Variants in REV1 observed in about 807,000 individuals in gnomAD.
REV1 encodes REV1 DNA directed polymerase, also known as translesion synthesis protein REV1.
REV1 carries 42 observed loss-of-function variants against 137.4 expected under a neutral mutation model. That is an observed-to-expected ratio of 0.31 (90% CI 0.24 to 0.40). The LOEUF (loss-of-function observed/expected upper bound fraction) is 0.40, where lower values mean the gene tolerates loss of function less well. Among genes scored for constraint, REV1 ranks in the 10% least tolerant of loss-of-function variants. The pLI is 1.00. For synonymous variants in REV1, 524 were observed against 519.2 expected, an observed-to-expected ratio of 1.01 and a Z score of -0.12; for missense variants, 1,282 against 1,490.1, an observed-to-expected ratio of 0.86 and a Z score of 2.30.
At position 99,414,671 on chromosome 2, in the gene REV1, A is replaced by G. The variant is rs571622239; in HGVS notation, c.1952-1720T>C. 8.0e-4 allele frequency among the ~76,000 whole-genome samples: 122 copies of G among 152,290 alleles called. 1 individual carries two copies. Among genetic ancestry groups the G allele is most frequent in the Middle Eastern group, 6.8e-3 (2 of 294 alleles). ...CTCTTTTTGTTATTTCTTTTTTGTC[A>G]TAAGACTTCTTAACATCAGGGAAGA... On this transcript the variant is annotated intron_variant, in intron 12 of 22. Coordinates refer to ENST00000258428, the MANE Select transcript of REV1 (RefSeq NM_016316.4).
intron 4 of REV1, among the ~76,000 whole-genome samples, chr2:99,443,828 C>T (rs1664602586): frequency 6.6e-6 from 1 of 151,492 alleles, no homozygotes; most frequent in Non-Finnish European, 1.5e-5. Context: ...CTTTATTCTT[C>T]CTCAAACCAA....
At chr2:99,449,788 T>C (rs1682703534) in intron 3 of REV1, among the ~76,000 whole-genome samples, 1 of 152,190 alleles carries the variant, frequency 6.6e-6, no homozygotes. Flanking sequence ...CAAATACTAA[T>C]AACAGTACAA....
At chr2:99,455,921 G>T (rs1443728128) in intron 3 of REV1, among the ~76,000 whole-genome samples, 1 of 152,070 alleles carries the variant, frequency 6.6e-6, no homozygotes, top group Non-Finnish European at 1.5e-5. Context: ...AACTTCAGCA[G>T]TGCCAAAATC....
At chr2:99,437,702 T>C (rs1680937075) in intron 6 of REV1, among the ~76,000 whole-genome samples, 1 of 152,144 alleles carries the variant, frequency 6.6e-6, no homozygotes. Context: ...TAATCATAGT[T>C]CTTAGAAGCA....
At chr2:99,409,101 C>T (rs1676739001) in intron 14 of REV1, among the ~76,000 whole-genome samples, 1 of 152,164 alleles carries the variant, frequency 6.6e-6, no homozygotes, top group South Asian at 2.1e-4. Flanking sequence ...AGAGCGAGAT[C>T]CTGTCTCTAC....
chr2:99,449,462 C>A lies in REV1; in HGVS notation c.224G>T (p.Gly75Val). The A allele has an allele frequency of 1.3e-6, 2 of 1,523,866 alleles. No homozygotes were observed. Among genetic ancestry groups the A allele is most frequent in the South Asian group, 1.4e-5 (1 of 71,676 alleles). 94.4% of individuals were successfully genotyped at this position (1,523,866 alleles called of 1,614,324 possible). The change falls in exon 4 of 23, where the codon GGA becomes GTA. Residue 75 changes from glycine (G) to valine (V), a missense_variant. Around this residue, in one of 7 missense-constraint regions of REV1, gnomAD observed 107 missense variants for 164.3 expected, o/e 0.65. Coordinates refer to ENST00000258428, the MANE Select transcript of REV1 (RefSeq NM_016316.4). ...GGAATAATATACATGGTATTGACCT[C>A]CATGCAACATCATTAGTTTTCTCAA... ...EELRKLMMLH[G>V]GQYHVYYSRS...
chr2:99,488,642 G>A (rs1687345816), intron 1 of REV1, among the ~76,000 whole-genome samples: 1 of 152,244 alleles, frequency 6.6e-6, no homozygotes, highest in Admixed American at 6.5e-5. Flanking sequence ...ACAATACGCA[G>A]CACTGGTCCC....
intron 4 of REV1, among the ~76,000 whole-genome samples, chr2:99,445,184 C>A (rs1682043457): frequency 6.7e-6 from 1 of 150,344 alleles, no homozygotes; most frequent in South Asian, 2.1e-4. Flanking sequence ...GATAAAATTG[C>A]AATCAACTTT....
At chr2:99,423,146 T>C (rs1045812518) in intron 10 of REV1, among the ~76,000 whole-genome samples, 15 of 152,148 alleles carry the variant, frequency 9.9e-5, no homozygotes, top group African/African-American at 3.6e-4. Flanking sequence ...TCCTTCACAT[T>C]TTCTCTCTCT....
At position 99,442,380 on chromosome 2, in the gene REV1, A is replaced by G; in HGVS notation, c.440T>C (p.Val147Ala). 3 of 1,613,688 alleles carry G rather than the reference A, an allele frequency of 1.9e-6. No homozygotes were observed. Among genetic ancestry groups the G allele is most frequent in the Non-Finnish European group, 2.5e-6 (3 of 1,179,848 alleles). ...TGGCAGAGGATCCTCAGGTCTGCAT[A>G]CAGGATTAAAGCTGAGACCTTTCTG... Reference protein sequence around the residue: ...SVQKGLSFNPVCRPEDPLPGP... With the variant: ...SVQKGLSFNPACRPEDPLPGP... Residue 147 changes from valine to alanine, a missense_variant, in exon 5 of 23, where the codon GTA becomes GCA. By Grantham distance (64) the Val-to-Ala change is moderately conservative. This residue lies in a region of REV1 where 432 missense variants were observed against 438.0 expected (regional missense o/e 0.99). Transcript: ENST00000258428.
Position 99,449,498 on chromosome 2 carries a change from G to C in REV1, c.188C>G (p.Ser63Cys), listed in dbSNP as rs1420025386. 1.9e-5 allele frequency: 27 copies of C among 1,443,318 alleles called. No homozygotes were observed. Among genetic ancestry groups the C allele is most frequent in the African/African-American group, 3.0e-5 (2 of 67,758 alleles). 89.4% of individuals were successfully genotyped at this position (1,443,318 alleles called of 1,614,324 possible). ...CATTAGTTTTCTCAATTCCTCAGCG[G>C]AAGGATCTGCAAAATTTATATTAAA... ...AIYVNGYTDPSAEELRKLMML... is the reference protein window; with the variant it reads ...AIYVNGYTDPCAEELRKLMML... Residue 63 changes from serine to cysteine, a missense_variant, in exon 4 of 23, where the codon TCC becomes TGC. Physicochemically the swap from Ser to Cys is moderately radical, Grantham distance 112. Around this residue, in one of 7 missense-constraint regions of REV1, gnomAD observed 107 missense variants for 164.3 expected, o/e 0.65. Coordinates refer to ENST00000258428, the MANE Select transcript of REV1 (RefSeq NM_016316.4).
chr2:99,481,048 C>T (rs945229104), intron 1 of REV1, among the ~76,000 whole-genome samples: 1 of 152,172 alleles, frequency 6.6e-6, no homozygotes, highest in Non-Finnish European at 1.5e-5. Flanking sequence ...ACCTCCAACA[C>T]AGTAAACTTG....
chr2:99,412,922 C>T lies in REV1; in HGVS notation c.1981G>A (p.Ala661Thr). 1 of 1,613,826 alleles carries T rather than the reference C, an allele frequency of 6.2e-7. No individual in the cohort carries two copies. The highest frequency in any genetic ancestry group is 8.5e-7 in the Non-Finnish European group (1 of 1,179,784). Residue 661 changes from alanine to threonine, a missense_variant, in exon 13 of 23, where the codon GCA becomes ACA. By Grantham distance (58) the Ala-to-Thr change is moderately conservative. This residue lies in a region of REV1 where 372 missense variants were observed against 482.3 expected (regional missense o/e 0.77). Coordinates refer to ENST00000258428, the MANE Select transcript of REV1 (RefSeq NM_016316.4). ...CCACAAGTTTTAATTCCCAAAGATG[C>T]CAACTTAGATTCCATTGAATGTCCA... ...GVGHSMESKL[A>T]SLGIKTCGDL...
chr2:99,451,553 T>C (rs1682924288), intron 3 of REV1: 2 of 1,175,376 alleles, frequency 1.7e-6, no homozygotes, highest in Non-Finnish European at 2.3e-6. Context: ...GATCTGAGTT[T>C]AATCTTAGCT....
chr2:99,435,971 C>T (rs1680695591), intron 6 of REV1, 30 bp from the exon 7 acceptor site: 1 of 1,257,862 alleles, frequency 8.0e-7, no homozygotes, highest in Non-Finnish European at 1.2e-6. Flanking sequence ...ATTCAAACCC[C>T]AAGCTAATTT....
chr2:99,445,424 G>A (rs571526459), intron 4 of REV1, among the ~76,000 whole-genome samples: 36 of 152,204 alleles, frequency 2.4e-4, no homozygotes, highest in African/African-American at 6.3e-4. Flanking sequence ...ATCTAATCAC[G>A]GGATATACAA....
At chr2:99,455,117 T>C (rs1391879428) in intron 3 of REV1, among the ~76,000 whole-genome samples, 1 of 152,226 alleles carries the variant, frequency 6.6e-6, no homozygotes, top group Non-Finnish European at 1.5e-5. Context: ...ACATTTACTA[T>C]ATGCACCATT....
chr2:99,410,273 A>C (rs991058969), intron 14 of REV1, among the ~76,000 whole-genome samples: 2 of 152,048 alleles, frequency 1.3e-5, no homozygotes, highest in Non-Finnish European at 2.9e-5. Flanking sequence ...AGCCTCCCAA[A>C]GTGCTGGGAT....
rs547644730 is a variant in REV1, at chr2:99,465,893, A to G, written c.-10-908T>C. 2.0e-5 allele frequency among the ~76,000 whole-genome samples: 3 copies of G among 152,158 alleles called. No individual in the cohort carries two copies. In the South Asian group the frequency reaches 6.3e-4, roughly 32 times the overall value. On this transcript the variant is annotated intron_variant, in intron 1 of 22. Coordinates refer to ENST00000258428, the MANE Select transcript of REV1 (RefSeq NM_016316.4). ...TTACTTAACAACACCTTAAACCATG[A>G]CACTTTACCCCACACACATTAGCAG...
Sources: gnomAD v4.1 joint callset for allele counts (sites outside exome capture counted in the v4.1 genomes callset) on GRCh38, gnomAD v4.1.1 for gene constraint, gnomAD v4.1.1 regional missense constraint, MANE v1.5 for transcripts, NCBI Gene and HGNC (gene_info 2026-07-23, HGNC 2026-07-21) for gene names.